Variants in SERPINA10 observed in about 807,000 individuals in gnomAD.
The protein encoded by SERPINA10 is serpin family A member 10.
SERPINA10 carries 24 observed loss-of-function variants against 28.0 expected under a neutral mutation model. The observed-to-expected ratio is 0.86, with a 90% CI of 0.62 to 1.20. The LOEUF (loss-of-function observed/expected upper bound fraction) is 1.20. SERPINA10 is among the 50% of genes most tolerant of loss of function. The probability of loss-of-function intolerance (pLI) is 0.00; values close to 1 mark genes in which losing one functional copy is unlikely to be tolerated. For synonymous variants in SERPINA10, 207 were observed against 203.9 expected, an observed-to-expected ratio of 1.02 and a Z score of -0.13; for missense variants, 521 against 537.7, an observed-to-expected ratio of 0.97 and a Z score of 0.31.
chr14:94,285,580 C>CGT (rs1895003001), intron 4 of SERPINA10, among the ~76,000 whole-genome samples: 1 of 150,354 alleles, frequency 6.7e-6, no homozygotes, highest in Non-Finnish European at 1.5e-5. Flanking sequence ...TATATACACA[C>CGT]ATATATATAT....
rs1156395580 is a variant in SERPINA10 at position 94,290,301 on chromosome 14, AT to A, written c.292del (p.Met98TrpfsTer12). ...GGACATGCCAAATGGAGAGAAGACCATGTTGCCATCGTGCCTCATGGAGATC... is the reference window on the plus strand; with the variant it reads ...GGACATGCCAAATGGAGAGAAGACCAGTTGCCATCGTGCCTCATGGAGATC... ...RKISMRHDGN[M>X]VFSPFGMSLA... On this transcript the variant is annotated frameshift_variant, in exon 2 of 5. Coordinates refer to ENST00000261994, the MANE Select transcript of SERPINA10 (RefSeq NM_001100607.3). LOFTEE classifies it high-confidence loss of function. The A allele has an allele frequency of 1.1e-5, 17 of 1,614,116 alleles. No individual in the cohort carries two copies. Among genetic ancestry groups the A allele is most frequent in the African/African-American group, 2.7e-5 (2 of 74,946 alleles).
Position 94,283,724 on chromosome 14 carries a change from A to G in SERPINA10, c.*241T>C, listed in dbSNP as rs1894950935. The G allele has an allele frequency of 3.6e-6, 2 of 559,228 alleles. No homozygotes were observed. Among genetic ancestry groups the G allele is most frequent in the Non-Finnish European group, 6.3e-6 (2 of 315,646 alleles). 34.6% of individuals were successfully genotyped at this position (559,228 alleles called of 1,614,324 possible). On this transcript the variant is annotated 3_prime_UTR_variant, in exon 5 of 5. Coordinates refer to ENST00000261994, the MANE Select transcript of SERPINA10 (RefSeq NM_001100607.3). ...AAATTAAACTTTATCATAGGTATGT[A>G]TGTGTAGGAAAAAATATATATAAGG...
Position 94,288,507 on chromosome 14 carries a change from GT to G in SERPINA10, c.770del (p.His257ProfsTer12), listed in dbSNP as rs1895081211. ...CCTTAATGGTCTTGTACTTGTCCAGGTGGAAAGTGTCGACTTCGGTGAAGAC... is the reference window on the plus strand; with the variant it reads ...CCTTAATGGTCTTGTACTTGTCCAGGGGAAAGTGTCGACTTCGGTGAAGAC... The part of the protein sequence containing the change: ...DPVFTEVDTF[H>X]LDKYKTIKVP... On this transcript the variant is annotated frameshift_variant, in exon 3 of 5. Transcript: ENST00000261994. LOFTEE classifies it high-confidence loss of function. The G allele has an allele frequency of 6.2e-7, 1 of 1,614,222 alleles. No individual in the cohort carries two copies. The highest frequency in any genetic ancestry group is 2.2e-5 in the East Asian group (1 of 44,886).
rs560505864 is a variant in SERPINA10, at chr14:94,289,771, A to G, written c.718+105T>C. 24 of 1,263,370 alleles carry G rather than the reference A, an allele frequency of 1.9e-5. No homozygotes were observed. In the East Asian group the frequency reaches 4.6e-4, roughly 24 times the overall value. The allele number at this position is 1,263,370 out of a possible 1,614,324, so 78.3% of individuals were successfully genotyped here. On this transcript the variant is annotated intron_variant, in intron 2 of 4. Transcript: ENST00000261994. The stretch of plus-strand genomic sequence containing the variant: ...GTTTTTGAAACGTGAAAACACATTC[A>G]TAGAAAATCACGTAGCGTTAATCAT...
intron 2 of SERPINA10, 111 bp downstream of exon 2, chr14:94,289,765 A>C: frequency 8.2e-7 from 1 of 1,216,626 alleles, no homozygotes; most frequent in Non-Finnish European, 1.2e-6. Flanking sequence ...ACGTGAAAAC[A>C]CATTCATAGA....
chr14:94,290,453 C>A lies in SERPINA10; in HGVS notation c.141G>T (p.Glu47Asp), dbSNP rs1895142910. ...TGGCCTCCTGCTCATCTTCCTCTTC[C>A]TCCTTGGGAGCCTGCACTACCCTGC... ...QTSRVVQAPKEEEEDEQEASE... is the reference protein window; with the variant it reads ...QTSRVVQAPKDEEEDEQEASE... Residue 47 changes from glutamate (E) to aspartate (D), a missense_variant, in exon 2 of 5, where the codon GAG becomes GAT. Coordinates refer to ENST00000261994, the MANE Select transcript of SERPINA10 (RefSeq NM_001100607.3). 6.2e-7 allele frequency: 1 copy of A among 1,613,528 alleles called. No homozygotes were observed. Among genetic ancestry groups the A allele is most frequent in the South Asian group, 1.1e-5 (1 of 90,968 alleles).
intron 4 of SERPINA10, among the ~76,000 whole-genome samples, chr14:94,284,470 A>G (rs1266190541): frequency 6.6e-6 from 1 of 152,204 alleles, no homozygotes; most frequent in Non-Finnish European, 1.5e-5. Context: ...TATGCTACTA[A>G]TTCTTGAGCT....
intron 3 of SERPINA10, among the ~76,000 whole-genome samples, chr14:94,287,063 A>G (rs1566718084): frequency 6.6e-6 from 1 of 152,122 alleles, no homozygotes; most frequent in Non-Finnish European, 1.5e-5. Flanking sequence ...GGATTAATTT[A>G]TTGGGCAGAC....
chr14:94,288,129 G>C (rs1388278503), intron 3 of SERPINA10, among the ~76,000 whole-genome samples, 157 bp downstream of exon 3: 1 of 152,154 alleles, frequency 6.6e-6, no homozygotes, highest in African/African-American at 2.4e-5. Flanking sequence ...CAGATGCTGG[G>C]GATAGAGTGG....
chr14:94,286,471 C>A (rs1362727270), intron 3 of SERPINA10, among the ~76,000 whole-genome samples: 2 of 152,194 alleles, frequency 1.3e-5, no homozygotes, highest in African/African-American at 4.8e-5. Flanking sequence ...GAGTTTTATT[C>A]CTCAGCCAGT....
intron 1 of SERPINA10, among the ~76,000 whole-genome samples, chr14:94,291,086 G>T (rs558292883): frequency 6.6e-6 from 1 of 152,346 alleles, no homozygotes; most frequent in Non-Finnish European, 1.5e-5. Flanking sequence ...GCCTTGCCCA[G>T]TGCCCTGTTT....
intron 3 of SERPINA10, 69 bp downstream of exon 3, chr14:94,288,217 T>G: frequency 2.1e-5 from 34 of 1,594,438 alleles, no homozygotes; most frequent in Non-Finnish European, 2.7e-5. Flanking sequence ...GTGCATTCAA[T>G]GAAATTGTGC....
chr14:94,283,819 A>G lies in SERPINA10; in HGVS notation c.*146T>C, dbSNP rs2087346407. 2 of 754,466 alleles carry G rather than the reference A, an allele frequency of 2.7e-6. No homozygotes were observed. The highest frequency in any genetic ancestry group is 4.5e-6 in the Non-Finnish European group (2 of 444,718). The allele number at this position is 754,466 out of a possible 1,614,324, so 46.7% of individuals were successfully genotyped here. ...ATGTATCCCCCTCAGATAAGTGGGG[A>G]CTACTGTATTTATTTGAGAACACCC... On this transcript the variant is annotated 3_prime_UTR_variant, in exon 5 of 5. Coordinates refer to ENST00000261994, the MANE Select transcript of SERPINA10 (RefSeq NM_001100607.3).
At position 94,288,443 on chromosome 14, in the gene SERPINA10, A is replaced by C; in HGVS notation, c.835T>G (p.Phe279Val). 1 of 1,614,138 alleles carries C rather than the reference A, an allele frequency of 6.2e-7. No individual in the cohort carries two copies. The highest frequency in any genetic ancestry group is 8.5e-7 in the Non-Finnish European group (1 of 1,180,026). ...ACATGACAACGAAAATTCTTGTCAA[A>C]GGTGGAGGCAAACTTGCCTGCACCG... ...MYGAGKFAST[F>V]DKNFRCHVLK... Residue 279 changes from phenylalanine (F) to valine (V), a missense_variant, in exon 3 of 5, where the codon TTT becomes GTT. Physicochemically the swap from Phe to Val is conservative, Grantham distance 50. Coordinates refer to ENST00000261994, the MANE Select transcript of SERPINA10 (RefSeq NM_001100607.3).
chr14:94,290,715 C>T, intron 1 of SERPINA10, 72 bp from the exon 2 acceptor site: 1 of 1,499,576 alleles, frequency 6.7e-7, no homozygotes, highest in South Asian at 1.2e-5. Context: ...AAAGCTTCTT[C>T]AGGGACCCTG....
rs1288725560 is a variant in SERPINA10, at chr14:94,280,509, T to C, written c.*3456A>G. ...AATTATACTCTCAAGGACAGATATA[T>C]AGAAACAGGATAAACAGCAAATTAC... On this transcript the variant is annotated 3_prime_UTR_variant, in exon 5 of 5. Transcript: ENST00000261994. The C allele has an allele frequency of 6.6e-6, 1 of 152,164 alleles. No homozygotes were observed. The highest frequency in any genetic ancestry group is 1.5e-5 in the Non-Finnish European group (1 of 68,004). The allele number at this position is 152,164 out of a possible 1,614,324, so 9.4% of individuals were successfully genotyped here.
Position 94,280,707 on chromosome 14 carries a change from A to G in SERPINA10, c.*3258T>C, listed in dbSNP as rs1159954364. The G allele has an allele frequency of 6.6e-6, 1 of 152,206 alleles. No individual in the cohort carries two copies. The highest frequency in any genetic ancestry group is 2.4e-5 in the African/African-American group (1 of 41,460). 9.4% of individuals were successfully genotyped at this position (152,206 alleles called of 1,614,324 possible). On this transcript the variant is annotated 3_prime_UTR_variant, in exon 5 of 5. Transcript: ENST00000261994. ...AGGGAAAAGGGACATCTTCATCATC[A>G]TTTTGTTAATTACTAAAACTTGCAT...
chr14:94,292,179 G>A (rs1180572092), intron 1 of SERPINA10, among the ~76,000 whole-genome samples: 2 of 152,182 alleles, frequency 1.3e-5, no homozygotes, highest in African/African-American at 4.8e-5. Flanking sequence ...ATAGAGTTGG[G>A]GCGCTTGGGA....
intron 1 of SERPINA10, chr14:94,292,802 A>AAT: frequency 1.5e-6 from 1 of 648,504 alleles, no homozygotes; most frequent in South Asian, 1.7e-5. Flanking sequence ...GCACCTTCCT[A>AAT]GACAGAACCT....
Sources: allele counts gnomAD v4.1 joint callset (sites outside exome capture counted in the v4.1 genomes callset), GRCh38; gene constraint gnomAD v4.1.1; transcripts MANE v1.5; gene names NCBI Gene and HGNC (gene_info 2026-07-23, HGNC 2026-07-21).